The following EPB41L4A variants were observed in gnomAD, a reference collection of about 807,000 sequenced individuals.
EPB41L4A encodes the protein band 4.1-like protein 4A.
Under a neutral mutation model 108.6 loss-of-function variants are expected in EPB41L4A, and 100 were observed. The ratio of observed to expected loss-of-function variants is 0.92; its 90% CI spans 0.78 to 1.09. The LOEUF is 1.09. Ranked by LOEUF, EPB41L4A falls within the 50% of genes least tolerant of loss-of-function variation. EPB41L4A has a pLI of 0.00. For synonymous variants in EPB41L4A, 319 were observed against 289.0 expected, an observed-to-expected ratio of 1.10 and a Z score of -1.05; for missense variants, 1,030 against 842.7, an observed-to-expected ratio of 1.22 and a Z score of -2.75.
chr5:112,401,190 G>A (rs1761728134), intron 1 of EPB41L4A, among the ~76,000 whole-genome samples: 1 of 152,150 alleles, frequency 6.6e-6, no homozygotes, highest in Non-Finnish European at 1.5e-5. Context: ...CAGAACCTGA[G>A]TAATAAAAAG....
At chr5:112,161,481 T>C (rs1435211049), downstream of EPB41L4A, 1 of 518,808 alleles carries the variant, frequency 1.9e-6, no homozygotes, top group Non-Finnish European at 3.8e-6. Flanking sequence ...CCTCACGCAG[T>C]GTCAGCCTTT....
At chr5:112,277,116 C>T (rs192784149) in intron 3 of EPB41L4A, among the ~76,000 whole-genome samples, 7 of 152,196 alleles carry the variant, frequency 4.6e-5, no homozygotes, top group Middle Eastern at 3.4e-3. Flanking sequence ...TCAGCTTATC[C>T]GTCTGTGTCA....
intron 18 of EPB41L4A, among the ~76,000 whole-genome samples, chr5:112,179,553 G>A (rs1041645035): frequency 1.3e-5 from 2 of 152,062 alleles, no homozygotes; most frequent in African/African-American, 2.4e-5. Context: ...ATTCCTCCAC[G>A]AACACAATAA....
At chr5:112,337,165 T>C (rs1756970557) in intron 1 of EPB41L4A, among the ~76,000 whole-genome samples, 1 of 152,218 alleles carries the variant, frequency 6.6e-6, no homozygotes, top group Admixed American at 6.5e-5. Context: ...TCTTCAACCA[T>C]ATATAAATGA....
At chr5:112,343,961 C>G (rs1347975639) in intron 1 of EPB41L4A, among the ~76,000 whole-genome samples, 1 of 152,148 alleles carries the variant, frequency 6.6e-6, no homozygotes, top group Non-Finnish European at 1.5e-5. Flanking sequence ...GAGGCCAAAA[C>G]AAGAAGATTG....
chr5:112,251,388 C>A (rs1018872067), intron 9 of EPB41L4A, among the ~76,000 whole-genome samples: 1 of 152,036 alleles, frequency 6.6e-6, no homozygotes, highest in African/African-American at 2.4e-5. Flanking sequence ...AATATTCAAG[C>A]ATAAGAGATT....
Position 112,323,176 on chromosome 5 carries a change from G to T in EPB41L4A, c.100-15686C>A, listed in dbSNP as rs560268738. Among the ~76,000 whole-genome samples, 152 of 152,152 alleles carry T rather than the reference G, an allele frequency of 1.0e-3. 1 individual carries two copies. The highest frequency in any genetic ancestry group is 3.6e-3 in the African/African-American group (148 of 41,518). Reference sequence around the variant, plus strand: ...ATGCAGATAACAGGCTTTCCTGGAGGACAGACAACAACAAATAAGACATAA... The same window carrying T: ...ATGCAGATAACAGGCTTTCCTGGAGTACAGACAACAACAAATAAGACATAA... On this transcript the variant is annotated intron_variant, in intron 1 of 22. Transcript: ENST00000261486.
In EPB41L4A at chr5:112,225,138, T is replaced by G. The variant is rs1398239183; in HGVS notation, c.1087+9496A>C. On this transcript the variant is annotated intron_variant, in intron 12 of 22. Transcript: ENST00000261486. ...GATTCTCATCCAGACATCCTCCACA[T>G]TCTAGAACTTGCTACACCTGCAAAT... Among the ~76,000 whole-genome samples, 8 of 152,310 alleles carry G rather than the reference T, an allele frequency of 5.3e-5. No homozygotes were observed. In the South Asian group the frequency reaches 8.3e-4, roughly 16 times the overall value.
chr5:112,260,147 A>C (rs1397880702), intron 7 of EPB41L4A, among the ~76,000 whole-genome samples, 168 bp from the exon 8 acceptor site: 1 of 152,164 alleles, frequency 6.6e-6, no homozygotes, highest in Non-Finnish European at 1.5e-5. Flanking sequence ...CTTGTTGCTT[A>C]TTTTTTTCAA....
chr5:112,287,059 T>A (rs1753333235), intron 2 of EPB41L4A, among the ~76,000 whole-genome samples: 2 of 152,196 alleles, frequency 1.3e-5, no homozygotes, highest in South Asian at 4.1e-4. Context: ...TGGTTGCTCA[T>A]ATTTCCCTGA....
At chr5:112,415,085 A>T (rs1762632172) in intron 1 of EPB41L4A, among the ~76,000 whole-genome samples, 2 of 152,296 alleles carry the variant, frequency 1.3e-5, no homozygotes, top group South Asian at 4.1e-4. Context: ...ATCTTCTGGG[A>T]TATTTTATTT....
rs534696530 is a variant in EPB41L4A at position 112,151,349 on chromosome 5, G to GT, written n.995-5352dup. 3.1e-3 allele frequency among the ~76,000 whole-genome samples: 433 copies of GT among 141,762 alleles called. 1 individual carries two copies. Among genetic ancestry groups the GT allele is most frequent in the African/African-American group, 7.7e-3 (296 of 38,666 alleles). 93.0% of individuals were successfully genotyped at this position (141,762 alleles called of 152,430 possible). A position where few individuals can be genotyped will look rare whatever the true frequency, so the allele number is the denominator to read the frequency against. Reference sequence around the variant, plus strand: ...AGCATCAGACATTTCTAAGGTCCTTGTTTTTTTTTTTATTCAAGAAGAGGA... The same window carrying GT: ...AGCATCAGACATTTCTAAGGTCCTTGTTTTTTTTTTTTATTCAAGAAGAGGA... On this transcript the variant is annotated intron_variant and non_coding_transcript_variant, in intron 12 of 13. Transcript: ENST00000507810.
chr5:112,182,591 T>C (rs943112114), intron 18 of EPB41L4A, among the ~76,000 whole-genome samples: 7 of 152,214 alleles, frequency 4.6e-5, no homozygotes, highest in Non-Finnish European at 1.0e-4. Context: ...TTAGAAAAAC[T>C]GAATGCTGTT....
chr5:112,154,722 A>G (rs1344555658), intron 12 of EPB41L4A, among the ~76,000 whole-genome samples: 4 of 152,198 alleles, frequency 2.6e-5, no homozygotes, highest in Non-Finnish European at 1.5e-5. Context: ...TTAATTAACA[A>G]ATGTGGAGTG....
downstream of EPB41L4A, among the ~76,000 whole-genome samples, chr5:112,158,014 G>T (rs1251585770): frequency 6.6e-6 from 1 of 152,190 alleles, no homozygotes; most frequent in African/African-American, 2.4e-5. Flanking sequence ...TCTGTACCAG[G>T]ATTCAGGAGG....
chr5:112,416,975 C>T (rs1424923289), intron 1 of EPB41L4A, among the ~76,000 whole-genome samples: 1 of 152,204 alleles, frequency 6.6e-6, no homozygotes, highest in Non-Finnish European at 1.5e-5. Context: ...ATCTGTGTTA[C>T]ACACATGGCC....
chr5:112,271,146 AT>A, intron 4 of EPB41L4A, among the ~76,000 whole-genome samples: 1 of 152,314 alleles, frequency 6.6e-6, no homozygotes, highest in Admixed American at 6.5e-5. Context: ...GTGTAAGGGC[AT>A]TCTGTCTTGA....
intron 1 of EPB41L4A, among the ~76,000 whole-genome samples, chr5:112,377,325 G>T (rs1240600278): frequency 6.6e-6 from 1 of 151,752 alleles, no homozygotes; most frequent in Non-Finnish European, 1.5e-5. Flanking sequence ...ATACAGTTTT[G>T]TAAGAAGTTA....
chr5:112,321,161 G>C (rs115092407), intron 1 of EPB41L4A, among the ~76,000 whole-genome samples: 1 of 152,202 alleles, frequency 6.6e-6, no homozygotes. Context: ...TCACAGAGGA[G>C]AGAACACGAC....
Sources: allele counts gnomAD v4.1 joint callset (sites outside exome capture counted in the v4.1 genomes callset), GRCh38; gene constraint gnomAD v4.1.1; transcripts MANE v1.5; gene names NCBI Gene and HGNC (gene_info 2026-07-23, HGNC 2026-07-21).